The following SDC3 variants were observed in gnomAD, a reference collection of about 807,000 sequenced individuals.
SDC3 encodes syndecan 3.
A neutral mutation model predicts 24.4 loss-of-function variants in SDC3; 13 were observed. The observed-to-expected ratio is 0.53, with a 90% confidence interval of 0.35 to 0.85. The LOEUF (loss-of-function observed/expected upper bound fraction) is 0.85. SDC3 is among the 40% of genes least tolerant of loss of function. SDC3 has a pLI of 0.01. For synonymous variants in SDC3, 295 were observed against 260.9 expected (o/e 1.13, Z -1.26); for missense variants, 571 against 584.5 (o/e 0.98, Z 0.24).
intron 1 of SDC3, among the ~76,000 whole-genome samples, chr1:30,894,332 T>A (rs1286986050): frequency 2.2e-5 from 2 of 92,292 alleles, no homozygotes; most frequent in Admixed American, 2.5e-4. Flanking sequence ...TGTGGATGAG[T>A]GTGTGTGGGG....
At chr1:30,876,497 C>CA in intron 3 of SDC3, 55 bp downstream of exon 3, 1 of 1,427,486 alleles carries the variant, frequency 7.0e-7, no homozygotes, top group Non-Finnish European at 9.4e-7. Flanking sequence ...CTCCTCATCC[C>CA]TCCCCTGACC....
At chr1:30,894,852 G>T (rs1319488057) in intron 1 of SDC3, among the ~76,000 whole-genome samples, 1 of 151,960 alleles carries the variant, frequency 6.6e-6, no homozygotes, top group African/African-American at 2.4e-5. Flanking sequence ...GGGCTGTCTC[G>T]AGTGGCTTAG....
intron 1 of SDC3, among the ~76,000 whole-genome samples, chr1:30,887,322 A>T (rs562463962): frequency 6.6e-6 from 1 of 152,074 alleles, no homozygotes; most frequent in South Asian, 2.1e-4. Context: ...GTGTGGAGTT[A>T]GGTGTTCCCG....
chr1:30,873,472 G>T (rs1639577723), intron 4 of SDC3, 95 bp from the exon 5 acceptor site: 1 of 813,916 alleles, frequency 1.2e-6, no homozygotes, highest in African/African-American at 1.7e-5. Context: ...GGAGAGGGCT[G>T]GGAGTCCCAG....
chr1:30,891,728 C>G (rs1639906806), intron 1 of SDC3, among the ~76,000 whole-genome samples: 2 of 152,044 alleles, frequency 1.3e-5, no homozygotes, highest in South Asian at 4.2e-4. Context: ...TGGCGCACAC[C>G]TGTAATCCCA....
chr1:30,888,699 G>A (rs1192064100), intron 1 of SDC3, among the ~76,000 whole-genome samples: 5 of 152,192 alleles, frequency 3.3e-5, no homozygotes, highest in Admixed American at 3.3e-4. Context: ...TTTATAACCA[G>A]CCCAAACTCA....
chr1:30,898,976 C>G (rs1201453357), intron 1 of SDC3, among the ~76,000 whole-genome samples: 2 of 152,350 alleles, frequency 1.3e-5, no homozygotes, highest in East Asian at 1.9e-4. Flanking sequence ...ATCTGCACCT[C>G]CCACCACTCC....
At position 30,876,888 on chromosome 1, in the gene SDC3, T is replaced by G; in HGVS notation, c.534A>C (p.Thr178=). 4 of 1,612,778 alleles carry G rather than the reference T, an allele frequency of 2.5e-6. No individual in the cohort carries two copies. The South Asian group carries it at 3.3e-5, about 13-fold the overall frequency. The change falls in exon 3 of 5, where the codon ACA becomes ACC. Residue 178 remains threonine, a synonymous_variant. Transcript: ENST00000339394. ...ATSTGDPTVA[T]VPATVATATP... ...TGGCGGTGGCCACTGTGGCAGGCAC[T>G]GTGGCCACAGTCGGGTCCCCTGTGC...
rs56834707 is a variant in SDC3, at chr1:30,887,414, G to A, written c.139-8674C>T. Among the ~76,000 whole-genome samples, 983 of 152,188 alleles carry A rather than the reference G, an allele frequency of 6.5e-3. 16 individuals are homozygous for A. Among genetic ancestry groups the A allele is most frequent in the African/African-American group, 0.023 (939 of 41,506 alleles). ...CCTCGCTCTGTCCTCCTATGAAACG[G>A]GAATAATGATCCCCAACACACAGAG... On this transcript the variant is annotated intron_variant, in intron 1 of 4. Coordinates refer to ENST00000339394, the MANE Select transcript of SDC3 (RefSeq NM_014654.4).
chr1:30,872,728 C>T lies in SDC3; in HGVS notation c.*483G>A, dbSNP rs1639561479. The T allele has an allele frequency of 6.1e-6, 1 of 162,880 alleles. No individual in the cohort carries two copies. Among genetic ancestry groups the T allele is most frequent in the Admixed American group, 5.8e-5 (1 of 17,330 alleles). The allele number at this position is 162,880 out of a possible 1,614,324, so 10.1% of individuals were successfully genotyped here. ...CCTCTCACCCAGCTAGAGAGAGGCC[C>T]TGGGATACGAGCAAGAGGTTGCAGT... On this transcript the variant is annotated 3_prime_UTR_variant, in exon 5 of 5. Transcript: ENST00000339394.
At chr1:30,887,299 G>A (rs995400634) in intron 1 of SDC3, among the ~76,000 whole-genome samples, 13 of 151,884 alleles carry the variant, frequency 8.6e-5, no homozygotes, top group African/African-American at 3.1e-4. Flanking sequence ...AGGAGTCTCC[G>A]AGGAACAACC....
Position 30,876,731 on chromosome 1 carries a change from A to T in SDC3, c.691T>A (p.Ser231Thr). 6.3e-7 allele frequency: 1 copy of T among 1,590,706 alleles called. No homozygotes were observed. Among genetic ancestry groups the T allele is most frequent in the Non-Finnish European group, 8.6e-7 (1 of 1,168,124 alleles). ...TARATTPEAP[S>T]PPTTAAVLDT... ...AAGACAGCCGCCGTGGTGGGCGGGG[A>T]GGGCGCCTCGGGGGTAGTGGCCCGT... Residue 231 changes from serine to threonine, a missense_variant, in exon 3 of 5, where the codon TCC becomes ACC. Ser to Thr is a moderately conservative substitution (Grantham distance 58). Around this residue, in one of 2 missense-constraint regions of SDC3, gnomAD observed 497 missense variants for 471.6 expected, o/e 1.05. Coordinates refer to ENST00000339394, the MANE Select transcript of SDC3 (RefSeq NM_014654.4).
intron 1 of SDC3, among the ~76,000 whole-genome samples, chr1:30,879,164 C>T (rs778365245): frequency 1.3e-5 from 2 of 152,120 alleles, no homozygotes; most frequent in African/African-American, 4.8e-5. Context: ...GCCTCTCACC[C>T]CCTGCCACTG....
intron 4 of SDC3, 68 bp downstream of exon 4, chr1:30,874,229 G>A: frequency 7.4e-7 from 1 of 1,355,418 alleles, no homozygotes. Context: ...GAGGCAAACT[G>A]AGGCCCAGCC....
Position 30,872,817 on chromosome 1 carries a change from C to CGGTGG in SDC3, c.*393_*394insCCACC. ...GTCCTGGAAACCAGCCTGAGTGCCT[C>CGGTGG]TCTGCCCCAAAAAGGAGATCTCAGT... On this transcript the variant is annotated 3_prime_UTR_variant, in exon 5 of 5. Transcript: ENST00000339394. 1 of 213,030 alleles carries CGGTGG rather than the reference C, an allele frequency of 4.7e-6. No individual in the cohort carries two copies. Among genetic ancestry groups the CGGTGG allele is most frequent in the Non-Finnish European group, 9.4e-6 (1 of 105,834 alleles). 13.2% of individuals were successfully genotyped at this position (213,030 alleles called of 1,614,324 possible).
intron 1 of SDC3, among the ~76,000 whole-genome samples, chr1:30,903,202 C>T (rs769697645): frequency 5.9e-5 from 9 of 152,126 alleles, no homozygotes; most frequent in Admixed American, 1.3e-4. Flanking sequence ...AGGAGGAACA[C>T]GGATTTGGCC....
Position 30,876,544 on chromosome 1 carries a change from A to C in SDC3, c.870+8T>G. 1 of 1,504,082 alleles carries C rather than the reference A, an allele frequency of 6.6e-7. No individual in the cohort carries two copies. The highest frequency in any genetic ancestry group is 2.3e-5 in the Admixed American group (1 of 43,830). 93.2% of individuals were successfully genotyped at this position (1,504,082 alleles called of 1,614,324 possible). A position where few individuals can be genotyped will look rare whatever the true frequency, so the allele number is the denominator to read the frequency against. The stretch of plus-strand genomic sequence containing the variant: ...GCCCTCCTCCCTGTCCCTTCTCAAC[A>C]CCCTCACCTGAGCCACCTCTGTGGG... On this transcript the variant is annotated splice_region_variant and intron_variant, in intron 3 of 4. Transcript: ENST00000339394.
At chr1:30,882,415 C>T (rs1432337334) in intron 1 of SDC3, among the ~76,000 whole-genome samples, 1 of 152,128 alleles carries the variant, frequency 6.6e-6, no homozygotes, top group Non-Finnish European at 1.5e-5. Context: ...AGGGACCAGG[C>T]CCAGCAGTGA....
chr1:30,878,634 G>T lies in SDC3; in HGVS notation c.245C>A (p.Ser82Ter). The T allele has an allele frequency of 6.2e-7, 1 of 1,613,716 alleles. No individual in the cohort carries two copies. Among genetic ancestry groups the T allele is most frequent in the South Asian group, 1.1e-5 (1 of 91,058 alleles). ...AGGGGGGTACTTACAGCCCGAGCCC[G>T]ACCCCGAGTAGAGGTCATCCAGTTC... ...DDELDDLYSGSGSGYFEQESG... is the reference protein window; with the variant it reads ...DDELDDLYSG The change falls in exon 2 of 5, where the codon TCG becomes TAG. Residue 82 changes from serine to a stop codon, truncating the protein, a stop_gained. Coordinates refer to ENST00000339394, the MANE Select transcript of SDC3 (RefSeq NM_014654.4). LOFTEE classifies it high-confidence loss of function.
Sources: gnomAD v4.1 joint callset for allele counts (sites outside exome capture counted in the v4.1 genomes callset) on GRCh38, gnomAD v4.1.1 for gene constraint, gnomAD v4.1.1 regional missense constraint, MANE v1.5 for transcripts, NCBI Gene and HGNC (gene_info 2026-07-23, HGNC 2026-07-21) for gene names.